Variants in SLC36A1 observed in about 807,000 individuals in gnomAD.
SLC36A1 encodes solute carrier family 36 member 1, also known as proton-coupled amino acid transporter 1.
A neutral mutation model predicts 47.5 loss-of-function variants in SLC36A1; 30 were observed. That is an observed-to-expected ratio of 0.63 (90% CI 0.47 to 0.86). SLC36A1 has a LOEUF of 0.86. Among genes scored for constraint, SLC36A1 ranks in the 40% least tolerant of loss-of-function variants. The probability of loss-of-function intolerance (pLI) is 0.00; values close to 1 mark genes in which losing one functional copy is unlikely to be tolerated. For missense variants in SLC36A1, 517 were observed against 606.0 expected, an observed-to-expected ratio of 0.85 and a Z score of 1.54; for synonymous variants, 255 against 249.7, an observed-to-expected ratio of 1.02 and a Z score of -0.20.
intron 5 of SLC36A1, 49 bp downstream of exon 5, chr5:151,465,218 C>T (rs775681833): frequency 2.8e-6 from 4 of 1,422,770 alleles, no homozygotes; most frequent in Admixed American, 3.4e-5. Flanking sequence ...AGTGTGAGGC[C>T]TTCAGATGGG....
chr5:151,427,328 G>T, the SLC36A1 span, among the ~76,000 whole-genome samples: 1 of 152,200 alleles, frequency 6.6e-6, no homozygotes, highest in South Asian at 2.1e-4. Context: ...AGTGGGTCAA[G>T]GGTAAGTGCT....
At chr5:151,506,148 T>C in the SLC36A1 span, 42 of 1,488,166 alleles carry the variant, frequency 2.8e-5, no homozygotes, top group Non-Finnish European at 3.5e-5. Context: ...CCGGAAGGTT[T>C]CAGCTGGCTC....
At chr5:151,521,272 T>G in the SLC36A1 span, 5 of 1,601,474 alleles carry the variant, frequency 3.1e-6, no homozygotes, top group Admixed American at 8.4e-5. Context: ...GATGTAGTAC[T>G]TACCATTGCA....
the SLC36A1 span, chr5:151,431,426 G>A: frequency 3.3e-5 from 5 of 152,252 alleles, no homozygotes; most frequent in African/African-American, 1.2e-4. Flanking sequence ...CAGGCAGGTG[G>A]ATACCTCACT....
chr5:151,432,160 G>A (rs1580993969), upstream of SLC36A1, among the ~76,000 whole-genome samples: 1 of 152,172 alleles, frequency 6.6e-6, no homozygotes, highest in Middle Eastern at 3.4e-3. Context: ...ACAGTTCCAG[G>A]TACTGCAGTC....
At chr5:151,393,460 T>G in the SLC36A1 span, among the ~76,000 whole-genome samples, 1 of 152,218 alleles carries the variant, frequency 6.6e-6, no homozygotes, top group African/African-American at 2.4e-5. Flanking sequence ...GTTAGCTGGT[T>G]ATTTTGCTCG....
the SLC36A1 span, among the ~76,000 whole-genome samples, chr5:151,506,753 G>T: frequency 2.0e-4 from 30 of 152,286 alleles, no homozygotes; most frequent in South Asian, 6.2e-3. Context: ...CCCCCTCTAG[G>T]TCAGCCAGGT....
the SLC36A1 span, among the ~76,000 whole-genome samples, chr5:151,348,830 T>C: frequency 6.6e-6 from 1 of 152,190 alleles, no homozygotes; most frequent in African/African-American, 2.4e-5. Flanking sequence ...TAGCCAGGTT[T>C]TTTTTGGTTG....
At chr5:151,531,521 G>C in the SLC36A1 span, 6 of 1,593,008 alleles carry the variant, frequency 3.8e-6, no homozygotes, top group Non-Finnish European at 4.3e-6. The surrounding 1 kb of genome is among the most constrained non-coding windows in gnomAD (Gnocchi z 5.7). Flanking sequence ...CCACACAGGG[G>C]AGGAACCCAG....
the SLC36A1 span, among the ~76,000 whole-genome samples, chr5:151,499,604 T>C: frequency 2.6e-5 from 4 of 152,198 alleles, no homozygotes; most frequent in Non-Finnish European, 4.4e-5. Flanking sequence ...TGCTCACTTT[T>C]TGAGGGTTCT....
chr5:151,380,848 A>G, the SLC36A1 span: 1 of 452,208 alleles, frequency 2.2e-6, no homozygotes, highest in Non-Finnish European at 4.4e-6. Context: ...TGCCTCCAGG[A>G]CACAGCAAAA....
the SLC36A1 span, chr5:151,510,907 G>A: frequency 6.6e-6 from 1 of 152,424 alleles, no homozygotes; most frequent in African/African-American, 2.4e-5. Context: ...GGGCCAGCCT[G>A]GTGAGGGACA....
At chr5:151,545,211 G>A in the SLC36A1 span, 53 of 1,614,214 alleles carry the variant, frequency 3.3e-5, no homozygotes, top group Middle Eastern at 2.0e-3. Context: ...CTGCCCAGTA[G>A]ACATCCTGAT....
chr5:151,432,405 C>G (rs1345030644), upstream of SLC36A1, among the ~76,000 whole-genome samples: 1 of 152,068 alleles, frequency 6.6e-6, no homozygotes, highest in Non-Finnish European at 1.5e-5. Flanking sequence ...AGGTGGCTCC[C>G]CGTGAGGTCA....
chr5:151,522,227 GAAAA>G, the SLC36A1 span: 1 of 498,424 alleles, frequency 2.0e-6, no homozygotes, highest in South Asian at 3.8e-5. Flanking sequence ...GTTGCATTTA[GAAAA>G]AAAAAACCTA....
chr5:151,539,704 T>G, the SLC36A1 span, among the ~76,000 whole-genome samples: 1 of 152,220 alleles, frequency 6.6e-6, no homozygotes, highest in Admixed American at 6.5e-5. Flanking sequence ...TAAAAACTAC[T>G]TACTGTGTTT....
At chr5:151,487,191 G>T (rs114378532) in intron 10 of SLC36A1, among the ~76,000 whole-genome samples, 4,342 of 152,288 alleles carry the variant, frequency 0.029, 192 homozygotes, top group African/African-American at 0.099. Context: ...GAGATGGGAA[G>T]CGTGGGGTCA....
chr5:151,525,747 G>A, the SLC36A1 span: 1 of 1,613,886 alleles, frequency 6.2e-7, no homozygotes, highest in Admixed American at 1.7e-5. Context: ...GTCACCACCA[G>A]AAGCCTAGCA....
chr5:151,511,035 C>T, the SLC36A1 span: 2 of 152,428 alleles, frequency 1.3e-5, no homozygotes, highest in South Asian at 4.1e-4. Flanking sequence ...ATGCACAGGT[C>T]TGTGCTGGAT....
Sources: gnomAD v4.1 joint callset for allele counts (sites outside exome capture counted in the v4.1 genomes callset) on GRCh38, gnomAD v4.1.1 for gene constraint, Gnocchi (gnomAD v3.1) non-coding constraint, MANE v1.5 for transcripts, NCBI Gene and HGNC (gene_info 2026-07-23, HGNC 2026-07-21) for gene names.